The following NXPE2 variants were observed in gnomAD, a reference collection of about 807,000 sequenced individuals.
NXPE2 encodes NXPE family member 2.
A neutral mutation model predicts 34.4 loss-of-function variants in NXPE2; 34 were observed. That is an observed-to-expected ratio of 0.99 (90% CI 0.75 to 1.31). The LOEUF (loss-of-function observed/expected upper bound fraction) is 1.31. Among genes scored for constraint, NXPE2 ranks in the 40% most tolerant of loss-of-function variants. NXPE2 has a pLI of 0.00. For missense variants in NXPE2, 649 were observed against 672.5 expected, an observed-to-expected ratio of 0.97 and a Z score of 0.39; for synonymous variants, 235 against 231.3, an observed-to-expected ratio of 1.02 and a Z score of -0.15.
chr11:114,477,175 G>A, the NXPE2 span, among the ~76,000 whole-genome samples: 1 of 152,168 alleles, frequency 6.6e-6, no homozygotes, highest in Non-Finnish European at 1.5e-5. Context: ...CAAACTAATA[G>A]AAGCAGAGAG....
At chr11:114,789,198 A>T in the NXPE2 span, among the ~76,000 whole-genome samples, 59 of 152,340 alleles carry the variant, frequency 3.9e-4, no homozygotes, top group African/African-American at 1.3e-3. Context: ...ACCACAAAAA[A>T]TAGCTATGTG....
At chr11:114,473,453 C>T in the NXPE2 span, among the ~76,000 whole-genome samples, 2 of 152,088 alleles carry the variant, frequency 1.3e-5, no homozygotes, top group Non-Finnish European at 2.9e-5. Flanking sequence ...TTACTTTTCG[C>T]TAGGGCATTC....
chr11:114,718,911 C>T, the NXPE2 span, among the ~76,000 whole-genome samples: 6,070 of 152,138 alleles, frequency 0.04, 167 homozygotes, highest in Middle Eastern at 0.092. Flanking sequence ...AAATGGGGCT[C>T]GCTCTGCTCT....
chr11:114,601,339 TG>T, the NXPE2 span, among the ~76,000 whole-genome samples: 154 of 148,634 alleles, frequency 1.0e-3, no homozygotes, highest in African/African-American at 3.7e-3. Flanking sequence ...TGAGAATATG[TG>T]GTATTTGGTT....
the NXPE2 span, among the ~76,000 whole-genome samples, chr11:114,783,694 G>C: frequency 2.6e-5 from 4 of 152,304 alleles, no homozygotes; most frequent in African/African-American, 9.6e-5. Context: ...GATGCGTAAT[G>C]AATTTATGAG....
the NXPE2 span, among the ~76,000 whole-genome samples, chr11:114,767,466 C>T: frequency 3.3e-5 from 5 of 152,158 alleles, no homozygotes; most frequent in Non-Finnish European, 7.4e-5. Flanking sequence ...ATGCCCTTTC[C>T]CTGGGCTTGC....
the NXPE2 span, among the ~76,000 whole-genome samples, chr11:114,713,610 G>A: frequency 6.6e-6 from 1 of 152,118 alleles, no homozygotes; most frequent in African/African-American, 2.4e-5. Context: ...GTCAGATATA[G>A]GTGGACCAGT....
chr11:114,711,097 A>C (rs778544813), downstream of NXPE2, among the ~76,000 whole-genome samples: 7 of 152,152 alleles, frequency 4.6e-5, no homozygotes, highest in Non-Finnish European at 1.0e-4. Flanking sequence ...CTATCTCAAC[A>C]CGATAAAAGC....
At chr11:114,738,674 G>A in the NXPE2 span, among the ~76,000 whole-genome samples, 1 of 152,104 alleles carries the variant, frequency 6.6e-6, no homozygotes, top group African/African-American at 2.4e-5. Context: ...CAACTATAAT[G>A]AATGTACCCA....
intron 3 of NXPE2, among the ~76,000 whole-genome samples, chr11:114,699,533 G>A (rs1591441100): frequency 3.3e-5 from 5 of 152,036 alleles, no homozygotes; most frequent in Admixed American, 1.3e-4. Flanking sequence ...CCCTCTGTCC[G>A]TCAATGGAAC....
chr11:114,648,523 C>A, the NXPE2 span, among the ~76,000 whole-genome samples: 1 of 152,154 alleles, frequency 6.6e-6, no homozygotes, highest in African/African-American at 2.4e-5. Flanking sequence ...AAACGTTAAT[C>A]TACCAAAAAA....
chr11:114,543,561 A>G, the NXPE2 span, among the ~76,000 whole-genome samples: 2 of 152,012 alleles, frequency 1.3e-5, no homozygotes, highest in African/African-American at 4.8e-5. Flanking sequence ...ACAAAGCCAA[A>G]TCACTGTGGC....
the NXPE2 span, among the ~76,000 whole-genome samples, chr11:114,800,724 A>C: frequency 1.3e-5 from 2 of 152,188 alleles, no homozygotes; most frequent in African/African-American, 4.8e-5. Context: ...CTTACTGTGT[A>C]ATCTTGGACA....
At chr11:114,624,471 A>G in the NXPE2 span, among the ~76,000 whole-genome samples, 1 of 152,146 alleles carries the variant, frequency 6.6e-6, no homozygotes, top group African/African-American at 2.4e-5. Context: ...CCTGCTGGAT[A>G]ATAAGTATTG....
the NXPE2 span, among the ~76,000 whole-genome samples, chr11:114,658,506 G>C: frequency 6.6e-6 from 1 of 152,082 alleles, no homozygotes; most frequent in Non-Finnish European, 1.5e-5. Flanking sequence ...GCCTGGAGGG[G>C]GAGGGTAGCT....
chr11:114,810,160 C>G, the NXPE2 span, among the ~76,000 whole-genome samples: 1 of 144,664 alleles, frequency 6.9e-6, no homozygotes, highest in Non-Finnish European at 1.5e-5. Context: ...GAAACTGGAT[C>G]CCTTCCTTAC....
the NXPE2 span, among the ~76,000 whole-genome samples, chr11:114,630,203 C>T: frequency 6.6e-6 from 1 of 151,648 alleles, no homozygotes; most frequent in Non-Finnish European, 1.5e-5. Context: ...AAAAAAGAGC[C>T]CTCATCGCCA....
the NXPE2 span, among the ~76,000 whole-genome samples, chr11:114,467,876 C>T: frequency 1.3e-5 from 2 of 152,030 alleles, no homozygotes; most frequent in Non-Finnish European, 2.9e-5. Flanking sequence ...GCAGAGGTTG[C>T]AGTGAGCCGA....
At chr11:114,649,459 T>C in the NXPE2 span, among the ~76,000 whole-genome samples, 15 of 152,336 alleles carry the variant, frequency 9.8e-5, no homozygotes, top group South Asian at 3.1e-3. Context: ...ACAACTATTA[T>C]GCTCAGTGAA....
Sources: allele counts gnomAD v4.1 joint callset (sites outside exome capture counted in the v4.1 genomes callset), GRCh38; gene constraint gnomAD v4.1.1; transcripts MANE v1.5; gene names NCBI Gene and HGNC (gene_info 2026-07-23, HGNC 2026-07-21).